FBXW5: variants seen among roughly 807,000 people sequenced by gnomAD.
The protein encoded by FBXW5 is F-box/WD repeat-containing protein 5.
In FBXW5, 74 loss-of-function variants were observed where a neutral mutation model predicts 50.9. The observed-to-expected ratio is 1.45, with a 90% CI of 1.20 to 1.76. The LOEUF (loss-of-function observed/expected upper bound fraction) is 1.76. Among genes scored for constraint, FBXW5 ranks in the 40% most tolerant of loss-of-function variants. The pLI is 0.00. For missense variants in FBXW5, 1,073 were observed against 818.8 expected (o/e 1.31, Z -3.79); for synonymous variants, 523 against 362.2 (o/e 1.44, Z -5.04).
Position 136,940,494 on chromosome 9 carries a change from C to T in FBXW5, c.*434G>A. ...GGGTGGTGCGTGGACATGCAACACA[C>T]TCGGGCCCACAGCAGCGTGACCGGC... On this transcript the variant is annotated 3_prime_UTR_variant, in exon 9 of 9. Coordinates refer to ENST00000325285, the MANE Select transcript of FBXW5 (RefSeq NM_018998.4). 2 of 250,726 alleles carry T rather than the reference C, an allele frequency of 8.0e-6. No individual in the cohort carries two copies. Among genetic ancestry groups the T allele is most frequent in the Non-Finnish European group, 1.6e-5 (2 of 125,284 alleles). The allele number at this position is 250,726 out of a possible 1,614,324, so 15.5% of individuals were successfully genotyped here.
intron 2 of FBXW5, 42 bp from the exon 3 acceptor site, chr9:136,943,548 C>T (rs752638293): frequency 2.1e-5 from 33 of 1,575,422 alleles, no homozygotes; most frequent in Non-Finnish European, 2.6e-5. Flanking sequence ...GGGCCTTCCT[C>T]GCAGTCACGG....
In FBXW5 at chr9:136,941,498, C is replaced by A. The variant is rs139353750; in HGVS notation, c.1245-35G>T. ...GGGCACTGTGCTAGGTGTGGGCCGC[C>A]TGCGGGCACCCCGCCTGGGACACTG... On this transcript the variant is annotated intron_variant, in intron 7 of 8. Transcript: ENST00000325285. 3.1e-3 allele frequency: 4,946 copies of A among 1,606,056 alleles called. 9 individuals carry two copies. The highest frequency in any genetic ancestry group is 3.9e-3 in the Non-Finnish European group (4,566 of 1,178,720).
At chr9:136,944,168 C>T in intron 1 of FBXW5, 62 bp from the exon 2 acceptor site, 6 of 1,457,112 alleles carry the variant, frequency 4.1e-6, no homozygotes, top group Non-Finnish European at 5.5e-6. Context: ...GAGCGGGCGT[C>T]CTGTTCCTCC....
rs116507107 is a variant in FBXW5, at chr9:136,942,125, G to C, written c.1017C>G (p.Pro339=). The change falls in exon 6 of 9, where the codon CCC becomes CCG. Residue 339 remains proline (P), a synonymous_variant. Transcript: ENST00000325285. The part of the protein sequence containing the change: ...ELLAQGHTKP[P]ERSATGAKSK... ...TCTTGGCGCCTGTGGCACTGCGCTCGGGTGGCTTGGTGTGGCCCTGGGCCA... is the reference window on the plus strand; with the variant it reads ...TCTTGGCGCCTGTGGCACTGCGCTCCGGTGGCTTGGTGTGGCCCTGGGCCA... The C allele has an allele frequency of 2.5e-6, 4 of 1,611,708 alleles. No homozygotes were observed. The highest frequency in any genetic ancestry group is 1.3e-5 in the African/African-American group (1 of 74,906).
chr9:136,943,352 C>T lies in FBXW5; in HGVS notation c.348G>A (p.Val116=), dbSNP rs1850878552. The change falls in exon 3 of 9, where the codon GTG becomes GTA. Residue 116 remains valine (V), a synonymous_variant. Transcript: ENST00000325285. ...CAGGACACCTGGCCGTCCTCACCTT[C>T]ACAGTGCAGTCCTTGGAGCAGGACG... ...QFASCSKDCT[V]KIWSNDLTIS... is the part of the protein sequence containing the mutation. The T allele has an allele frequency of 6.2e-7, 1 of 1,604,990 alleles. No individual in the cohort carries two copies. Among genetic ancestry groups the T allele is most frequent in the African/African-American group, 1.3e-5 (1 of 74,592 alleles).
Position 136,944,678 on chromosome 9 carries a change from C to A in FBXW5, c.-108G>T. The stretch of plus-strand genomic sequence containing the variant: ...TGCCGCAGCCGCTCGGACCGCCGCC[C>A]CCGCCCAACGGGGAGCCCGCCAGGC... On this transcript the variant is annotated 5_prime_UTR_variant, in exon 1 of 9. Coordinates refer to ENST00000325285, the MANE Select transcript of FBXW5 (RefSeq NM_018998.4). The A allele has an allele frequency of 1.0e-6, 1 of 985,806 alleles. No homozygotes were observed. Among genetic ancestry groups the A allele is most frequent in the South Asian group, 4.6e-5 (1 of 21,978 alleles). 61.1% of individuals were successfully genotyped at this position (985,806 alleles called of 1,614,324 possible).
At chr9:136,942,504 C>T in intron 5 of FBXW5, 38 bp from the exon 6 acceptor site, 1 of 1,599,244 alleles carries the variant, frequency 6.3e-7, no homozygotes, top group Non-Finnish European at 8.5e-7. Flanking sequence ...GCGCCGGGCG[C>T]CAGGCCCCAG....
chr9:136,941,599 C>T lies in FBXW5; in HGVS notation c.1182G>A (p.Ala394=), dbSNP rs1850770629. The change falls in exon 7 of 9, where the codon GCG becomes GCA. Residue 394 remains alanine (A), a synonymous_variant. Transcript: ENST00000325285. ...EGRGSDAFFD[A]LDHVIDIHGH... is the part of the protein sequence containing the mutation. ...CGTGTATGTCTATGACGTGGTCCAG[C>T]GCGTCGAAGAAGGCATCGGAGCCCC... 6.2e-6 allele frequency: 10 copies of T among 1,602,962 alleles called. No homozygotes were observed. Among genetic ancestry groups the T allele is most frequent in the East Asian group, 2.3e-5 (1 of 44,180 alleles).
intron 6 of FBXW5, 155 bp downstream of exon 6, chr9:136,941,891 C>A: frequency 7.0e-7 from 1 of 1,436,312 alleles, no homozygotes; most frequent in Non-Finnish European, 9.1e-7. Context: ...CACTGCTCAT[C>A]CCACAGGCCC....
rs1054934389 is a variant in FBXW5, at chr9:136,944,651, G to A, written c.-81C>T. On this transcript the variant is annotated 5_prime_UTR_variant, in exon 1 of 9. Coordinates refer to ENST00000325285, the MANE Select transcript of FBXW5 (RefSeq NM_018998.4). ...CCCTGCGCGACCCGGACCCGCTTCCGCTGCCGCAGCCGCTCGGACCGCCGC... is the reference window on the plus strand; with the variant it reads ...CCCTGCGCGACCCGGACCCGCTTCCACTGCCGCAGCCGCTCGGACCGCCGC... 3.0e-6 allele frequency: 3 copies of A among 984,886 alleles called. No homozygotes were observed. Among genetic ancestry groups the A allele is most frequent in the African/African-American group, 3.5e-5 (2 of 57,022 alleles). 61.0% of individuals were successfully genotyped at this position (984,886 alleles called of 1,614,324 possible).
Position 136,943,388 on chromosome 9 carries a change from C to T in FBXW5, c.312G>A (p.Gly104=), listed in dbSNP as rs1850880299. 3 of 1,612,790 alleles carry T rather than the reference C, an allele frequency of 1.9e-6. No individual in the cohort carries two copies. The highest frequency in any genetic ancestry group is 3.3e-5 in the Admixed American group (2 of 59,990). ...QVLHLSFSHS[G]YQFASCSKDC... ...CCTTGGAGCAGGACGCGAACTGGTACCCGGAATGGGAGAAGCTGAGGTGCA... is the reference window on the plus strand; with the variant it reads ...CCTTGGAGCAGGACGCGAACTGGTATCCGGAATGGGAGAAGCTGAGGTGCA... The change falls in exon 3 of 9, where the codon GGG becomes GGA. Residue 104 remains glycine (G), a synonymous_variant. Transcript: ENST00000325285.
At position 136,941,298 on chromosome 9, in the gene FBXW5, G is replaced by A. The variant is rs765978255; in HGVS notation, c.1410C>T (p.Asp470=). The A allele has an allele frequency of 1.5e-5, 24 of 1,608,984 alleles. No individual in the cohort carries two copies. The highest frequency in any genetic ancestry group is 1.6e-4 in the Middle Eastern group (1 of 6,084). The part of the protein sequence containing the change: ...LRAHRAYTPN[D]ECFFIFLDVS... ...CGTCCAGGAAGATGAAGAAGCACTC[G>A]TCGTTGGGCGTGTAGGCGCGGTGCG... Residue 470 remains aspartate (D), a synonymous_variant, in exon 8 of 9, where the codon GAC becomes GAT. Transcript: ENST00000325285.
chr9:136,944,085 G>C lies in FBXW5; in HGVS notation c.-2C>G, dbSNP rs1237211846. On this transcript the variant is annotated 5_prime_UTR_variant, in exon 2 of 9. Coordinates refer to ENST00000325285, the MANE Select transcript of FBXW5 (RefSeq NM_018998.4). ...CAGGGGCGTGCCGCCCTCGTCCATC[G>C]TGACATTCTGCCCAGGCGGCCCTGA... 2 of 1,587,990 alleles carry C rather than the reference G, an allele frequency of 1.3e-6. No homozygotes were observed. Among genetic ancestry groups the C allele is most frequent in the South Asian group, 1.1e-5 (1 of 87,346 alleles).
Position 136,942,099 on chromosome 9 carries a change from C to G in FBXW5, c.1043G>C (p.Ser348Thr). Residue 348 changes from serine to threonine, a missense_variant, in exon 6 of 9, where the codon AGC (serine) becomes ACC (threonine). Ser to Thr is a moderately conservative substitution (Grantham distance 58). Transcript: ENST00000325285. Reference protein sequence around the residue: ...PPERSATGAKSKYLIFTTGCL... With the variant: ...PPERSATGAKTKYLIFTTGCL... ...GCCAGTGGTGAAGATGAGGTACTTG[C>G]TCTTGGCGCCTGTGGCACTGCGCTC... The G allele has an allele frequency of 6.2e-7, 1 of 1,612,864 alleles. No homozygotes were observed. Among genetic ancestry groups the G allele is most frequent in the East Asian group, 2.2e-5 (1 of 44,834 alleles).
In FBXW5 at chr9:136,942,963, G is replaced by A. The variant is rs764345523; in HGVS notation, c.352-20C>T. 1 of 1,612,320 alleles carries A rather than the reference G, an allele frequency of 6.2e-7. No individual in the cohort carries two copies. The highest frequency in any genetic ancestry group is 8.5e-7 in the Non-Finnish European group (1 of 1,179,878). On this transcript the variant is annotated intron_variant, in intron 3 of 8. Transcript: ENST00000325285. Reference sequence around the variant, plus strand: ...CCAGATCTGTTCGGCAGGGGCGGCTGTAGTGATCGCCTGGCCAGGTCGCGG... The same window carrying A: ...CCAGATCTGTTCGGCAGGGGCGGCTATAGTGATCGCCTGGCCAGGTCGCGG...
At position 136,941,088 on chromosome 9, in the gene FBXW5, T is replaced by G. The variant is rs773618835; in HGVS notation, c.1541A>C (p.Asn514Thr). 1 of 1,571,628 alleles carries G rather than the reference T, an allele frequency of 6.4e-7. No homozygotes were observed. The highest frequency in any genetic ancestry group is 1.3e-5 in the African/African-American group (1 of 74,232). Reference protein sequence around the residue: ...LARLRHEDVVNSVVFSPQEQE... With the variant: ...LARLRHEDVVTSVVFSPQEQE... ...CTCCTGGGGACTGAAGACCACTGAG[T>G]TGACCACATCCTCGTGCCGCAGCCT... The change falls in exon 9 of 9, where the codon AAC becomes ACC. Residue 514 changes from asparagine to threonine, a missense_variant. Transcript: ENST00000325285.
chr9:136,944,093 C>G lies in FBXW5; in HGVS notation c.-10G>C. On this transcript the variant is annotated 5_prime_UTR_variant, in exon 2 of 9. Transcript: ENST00000325285. ...TGCCGCCCTCGTCCATCGTGACATT[C>G]TGCCCAGGCGGCCCTGAAACCCACC... 2 of 1,581,618 alleles carry G rather than the reference C, an allele frequency of 1.3e-6. No homozygotes were observed. Among genetic ancestry groups the G allele is most frequent in the Non-Finnish European group, 1.7e-6 (2 of 1,164,802 alleles).
Position 136,940,718 on chromosome 9 carries a change from G to A in FBXW5, c.*210C>T, listed in dbSNP as rs566973231. ...CCCCAAGTTGCCCAGGAGGCCGAGG[G>A]GGCCTTGGGCTCCATCTGCACTGGC... On this transcript the variant is annotated 3_prime_UTR_variant, in exon 9 of 9. Coordinates refer to ENST00000325285, the MANE Select transcript of FBXW5 (RefSeq NM_018998.4). 1.3e-6 allele frequency: 1 copy of A among 756,368 alleles called. No individual in the cohort carries two copies. The highest frequency in any genetic ancestry group is 2.1e-6 in the Non-Finnish European group (1 of 484,158). 46.9% of individuals were successfully genotyped at this position (756,368 alleles called of 1,614,324 possible). A position where few individuals can be genotyped will look rare whatever the true frequency, so the allele number is the denominator to read the frequency against.
intron 1 of FBXW5, 131 bp downstream of exon 1, chr9:136,944,463 G>T: frequency 1.0e-6 from 1 of 976,612 alleles, no homozygotes; most frequent in Non-Finnish European, 1.2e-6. Flanking sequence ...TGCGGCCCTG[G>T]AGCAGCTCTG....
Sources: gnomAD v4.1 joint callset for allele counts on GRCh38, gnomAD v4.1.1 for gene constraint, MANE v1.5 for transcripts, NCBI Gene and HGNC (gene_info 2026-07-23, HGNC 2026-07-21) for gene names.